The following RWDD2B variants were observed in gnomAD, a reference collection of about 807,000 sequenced individuals.
The protein encoded by RWDD2B is RWD domain containing 2B.
In RWDD2B, 36 loss-of-function variants were observed where a neutral mutation model predicts 33.6. The observed-to-expected ratio is 1.07, with a 90% CI of 0.82 to 1.42. The LOEUF (loss-of-function observed/expected upper bound fraction) is 1.42, where lower values mean the gene tolerates loss of function less well. Among genes scored for constraint, RWDD2B ranks in the 40% most tolerant of loss-of-function variants. RWDD2B has a pLI of 0.00. For missense variants in RWDD2B, 364 were observed against 377.5 expected, an observed-to-expected ratio of 0.96 and a Z score of 0.30; for synonymous variants, 126 against 133.1, an observed-to-expected ratio of 0.95 and a Z score of 0.37.
At chr21:29,012,384 A>G (rs2084868612) in intron 1 of RWDD2B, among the ~76,000 whole-genome samples, 1 of 152,128 alleles carries the variant, frequency 6.6e-6, no homozygotes. Flanking sequence ...GTGTCTGTGT[A>G]GAAAGAGGTA....
intron 1 of RWDD2B, 98 bp downstream of exon 1, chr21:29,019,113 C>T (rs1446426504): frequency 2.0e-6 from 2 of 1,005,226 alleles, no homozygotes; most frequent in Non-Finnish European, 3.0e-6. Context: ...GAACCGGGGC[C>T]GCCATGCCGG....
Position 29,019,312 on chromosome 21 carries a change from C to T in RWDD2B, c.-35G>A, listed in dbSNP as rs754299596. On this transcript the variant is annotated 5_prime_UTR_variant, in exon 1 of 5. Transcript: ENST00000493196. Reference sequence around the variant, plus strand: ...GCCTCAAAATTCTAGCATACTGCGACCCAAAACTTACAAACCGCCTCAGCT... The same window carrying T: ...GCCTCAAAATTCTAGCATACTGCGATCCAAAACTTACAAACCGCCTCAGCT... The T allele has an allele frequency of 2.4e-5, 36 of 1,524,258 alleles. No individual in the cohort carries two copies. The South Asian group carries it at 3.6e-4, about 15-fold the overall frequency. 94.4% of individuals were successfully genotyped at this position (1,524,258 alleles called of 1,614,324 possible). A position where few individuals can be genotyped will look rare whatever the true frequency, so the allele number is the denominator to read the frequency against.
chr21:29,016,388 C>T (rs1457381810), intron 1 of RWDD2B, among the ~76,000 whole-genome samples: 1 of 152,156 alleles, frequency 6.6e-6, no homozygotes, highest in Non-Finnish European at 1.5e-5. Context: ...CCTCAGCCTC[C>T]CAAGTAGCTA....
At chr21:29,010,418 G>C (rs2084850404) in intron 1 of RWDD2B, among the ~76,000 whole-genome samples, 1 of 102,898 alleles carries the variant, frequency 9.7e-6, no homozygotes, top group Admixed American at 1.0e-4. Flanking sequence ...ATCAGCCTGG[G>C]TAACATAACG....
At chr21:29,007,126 C>T (rs1167440318) in intron 4 of RWDD2B, among the ~76,000 whole-genome samples, 1 of 152,212 alleles carries the variant, frequency 6.6e-6, no homozygotes, top group Non-Finnish European at 1.5e-5. Flanking sequence ...AATTCTAATG[C>T]TTCTAGAAAG....
At chr21:29,007,736 T>A in intron 4 of RWDD2B, 25 bp downstream of exon 4, 1 of 1,597,640 alleles carries the variant, frequency 6.3e-7, no homozygotes. Flanking sequence ...TTGACATGAC[T>A]TCATATACAT....
intron 1 of RWDD2B, among the ~76,000 whole-genome samples, chr21:29,011,957 G>T (rs8128408): frequency 6.8e-5 from 6 of 88,006 alleles, no homozygotes; most frequent in African/African-American, 2.9e-4. Flanking sequence ...GTCAGCCCCC[G>T]ACCCGGCCAG....
At chr21:29,015,204 CAGA>C (rs2084883651) in intron 1 of RWDD2B, among the ~76,000 whole-genome samples, 1 of 137,730 alleles carries the variant, frequency 7.3e-6, no homozygotes, top group African/African-American at 2.7e-5. Context: ...CTTTGGTTTT[CAGA>C]AGTTTGATTA....
intron 1 of RWDD2B, among the ~76,000 whole-genome samples, chr21:29,011,417 A>C (rs2084858305): frequency 6.8e-6 from 1 of 147,398 alleles, no homozygotes; most frequent in Non-Finnish European, 1.5e-5. Flanking sequence ...AGAAGTGAGG[A>C]GCCCCTCCGC....
chr21:29,009,923 T>A (rs1300033987), intron 1 of RWDD2B, among the ~76,000 whole-genome samples: 1 of 152,168 alleles, frequency 6.6e-6, no homozygotes, highest in Non-Finnish European at 1.5e-5. Context: ...CCTATCTCCC[T>A]CCCCACCAAA....
intron 1 of RWDD2B, 138 bp downstream of exon 1, chr21:29,019,073 G>A (rs2084903084): frequency 4.3e-6 from 3 of 695,246 alleles, no homozygotes; most frequent in Admixed American, 5.4e-5. Context: ...GCCGAGGACC[G>A]AGCCGACCGA....
In RWDD2B at chr21:29,006,378, A is replaced by C. The variant is rs749945383; in HGVS notation, c.*39T>G. The C allele has an allele frequency of 2.3e-6, 3 of 1,315,988 alleles. No individual in the cohort carries two copies. Among genetic ancestry groups the C allele is most frequent in the Non-Finnish European group, 3.2e-6 (3 of 948,100 alleles). 81.5% of individuals were successfully genotyped at this position (1,315,988 alleles called of 1,614,324 possible). On this transcript the variant is annotated 3_prime_UTR_variant, in exon 5 of 5. Transcript: ENST00000493196. ...GAAAAAGTGGGAAAAAAAAATCAAAAGGCCAACAGTGGCAAGATACTTTCA... is the reference window on the plus strand; with the variant it reads ...GAAAAAGTGGGAAAAAAAAATCAAACGGCCAACAGTGGCAAGATACTTTCA...
intron 1 of RWDD2B, among the ~76,000 whole-genome samples, chr21:29,014,076 G>T (rs557051129): frequency 6.6e-6 from 1 of 152,322 alleles, no homozygotes; most frequent in East Asian, 1.9e-4. Flanking sequence ...ACGATGAAGA[G>T]AAATTTATTT....
rs556521505 is a variant in RWDD2B, at chr21:29,005,838, G to T, written c.*579C>A. On this transcript the variant is annotated 3_prime_UTR_variant, in exon 5 of 5. Coordinates refer to ENST00000493196, the MANE Select transcript of RWDD2B (RefSeq NM_016940.3). The stretch of plus-strand genomic sequence containing the variant: ...GTTGGGTCAGCAGCTCAACAATGTG[G>T]CAACTGGCATCTTCGTGGTTCTCTT... The T allele has an allele frequency of 6.7e-6, 1 of 149,636 alleles. No homozygotes were observed. Among genetic ancestry groups the T allele is most frequent in the African/African-American group, 2.5e-5 (1 of 40,778 alleles). 9.3% of individuals were successfully genotyped at this position (149,636 alleles called of 1,614,324 possible).
Position 29,009,157 on chromosome 21 carries a change from C to T in RWDD2B, c.68-536G>A, listed in dbSNP as rs182048387. 1.2e-3 allele frequency among the ~76,000 whole-genome samples: 188 copies of T among 152,036 alleles called. 1 individual carries two copies. The highest frequency in any genetic ancestry group is 4.1e-3 in the African/African-American group (169 of 41,470). On this transcript the variant is annotated intron_variant, in intron 1 of 4. Transcript: ENST00000493196. Reference sequence around the variant, plus strand: ...AGCTGGAGTGCAGTGGCATGATCCCCGCTCACTGCAACCTCAACCTCCCAC... The same window carrying T: ...AGCTGGAGTGCAGTGGCATGATCCCTGCTCACTGCAACCTCAACCTCCCAC...
chr21:29,008,062 G>A lies in RWDD2B; in HGVS notation c.424C>T (p.Gln142Ter), dbSNP rs2084838046. Residue 142 changes from glutamine to a stop codon, truncating the protein, a stop_gained, in exon 4 of 5, where the codon CAA becomes TAA. Transcript: ENST00000493196. LOFTEE classifies it high-confidence loss of function. Reference sequence around the variant, plus strand: ...CAAACATCTCCATGACAATGTTTTTGCAGGAATGCAGTCAGATCTGTGTTC... The same window carrying A: ...CAAACATCTCCATGACAATGTTTTTACAGGAATGCAGTCAGATCTGTGTTC... ...QLNTDLTAFL[Q>*]KHCHGDVCIL... The A allele has an allele frequency of 1.5e-5, 25 of 1,614,108 alleles. No homozygotes were observed. The highest frequency in any genetic ancestry group is 2.7e-5 in the African/African-American group (2 of 75,058).
rs1555851471 is a variant in RWDD2B at position 29,012,178 on chromosome 21, C to CCG, written c.68-3558_68-3557insCG. Among the ~76,000 whole-genome samples the CCG allele has an allele frequency of 1.4e-3, 4 of 2,872 alleles. 1 individual carries two copies. The highest frequency in any genetic ancestry group is 0.062 in the South Asian group (1 of 16). The allele number at this position is 2,872 out of a possible 152,430, so 1.9% of individuals were successfully genotyped here. A position where few individuals can be genotyped will look rare whatever the true frequency, so the allele number is the denominator to read the frequency against. On this transcript the variant is annotated intron_variant, in intron 1 of 4. Coordinates refer to ENST00000493196, the MANE Select transcript of RWDD2B (RefSeq NM_016940.3). Reference sequence around the variant, plus strand: ...CCGGGAGGGAGGTGGGGGTGGTCAGCCCCCCCCCGGGAGGTGAGGGGCGCC... The same window carrying CCG: ...CCGGGAGGGAGGTGGGGGTGGTCAGCCGCCCCCCCCGGGAGGTGAGGGGCGCC...
In RWDD2B at chr21:29,004,709, A is replaced by C. The variant is rs2084820196; in HGVS notation, c.*1708T>G. ...CGATAGGACAGGGCAGCAGGGAGGA[A>C]ATCTGGGGACGTACATAAGATTTAG... On this transcript the variant is annotated 3_prime_UTR_variant, in exon 5 of 5. Transcript: ENST00000493196. 6.6e-6 allele frequency: 1 copy of C among 152,234 alleles called. No homozygotes were observed. The highest frequency in any genetic ancestry group is 2.4e-5 in the African/African-American group (1 of 41,432). The allele number at this position is 152,234 out of a possible 1,614,324, so 9.4% of individuals were successfully genotyped here.
At chr21:29,014,638 G>A (rs902115302) in intron 1 of RWDD2B, among the ~76,000 whole-genome samples, 1 of 152,020 alleles carries the variant, frequency 6.6e-6, no homozygotes, top group Non-Finnish European at 1.5e-5. Flanking sequence ...TGGCTAACAT[G>A]GTGAAACCCC....
Sources: gnomAD v4.1 joint callset for allele counts (sites outside exome capture counted in the v4.1 genomes callset) on GRCh38, gnomAD v4.1.1 for gene constraint, MANE v1.5 for transcripts, NCBI Gene and HGNC (gene_info 2026-07-23, HGNC 2026-07-21) for gene names.